The following FSTL5 variants were observed in gnomAD, a reference collection of about 807,000 sequenced individuals.
FSTL5 encodes the protein follistatin like 5.
A neutral mutation model predicts 89.1 loss-of-function variants in FSTL5; 62 were observed. That is an observed-to-expected ratio of 0.70 (90% CI 0.57 to 0.86). The LOEUF is 0.86. Ranked by LOEUF, FSTL5 falls within the 40% of genes least tolerant of loss-of-function variation. The probability of loss-of-function intolerance (pLI) is 0.00; values close to 1 mark genes in which losing one functional copy is unlikely to be tolerated. For missense variants in FSTL5, 1,057 were observed against 1,001.6 expected (o/e 1.06, Z -0.75); for synonymous variants, 383 against 346.2 (o/e 1.11, Z -1.18).
intron 1 of FSTL5, among the ~76,000 whole-genome samples, chr4:162,133,941 A>G (rs557239942): frequency 2.0e-5 from 3 of 152,310 alleles, no homozygotes; most frequent in South Asian, 4.1e-4. Flanking sequence ...CTCGACAGCT[A>G]GAGTCATGAT....
intron 6 of FSTL5, among the ~76,000 whole-genome samples, chr4:161,689,642 A>C (rs1472752678): frequency 1.3e-5 from 2 of 152,102 alleles, no homozygotes; most frequent in African/African-American, 4.8e-5. Flanking sequence ...ACATTTTTTT[A>C]CTGAGATTAA....
intron 10 of FSTL5, among the ~76,000 whole-genome samples, chr4:161,521,492 T>C (rs910291310): frequency 2.0e-5 from 3 of 152,096 alleles, no homozygotes; most frequent in Admixed American, 2.0e-4. Context: ...ACAATTTTTC[T>C]CCTTAGTTTA....
At chr4:162,101,336 G>C (rs1016178996) in intron 2 of FSTL5, among the ~76,000 whole-genome samples, 8 of 152,154 alleles carry the variant, frequency 5.3e-5, no homozygotes, top group Admixed American at 1.3e-4. Flanking sequence ...GATTTGAACT[G>C]TTTTATTCAG....
chr4:161,398,365 A>T (rs1731073019), intron 15 of FSTL5, among the ~76,000 whole-genome samples: 2 of 152,072 alleles, frequency 1.3e-5, no homozygotes, highest in Admixed American at 6.5e-5. Flanking sequence ...ATGTCTCCAA[A>T]ATTATTCATT....
intron 7 of FSTL5, among the ~76,000 whole-genome samples, chr4:161,631,961 G>A (rs1373804406): frequency 6.6e-6 from 1 of 152,112 alleles, no homozygotes; most frequent in African/African-American, 2.4e-5. Flanking sequence ...CTTCAATTTA[G>A]AAGTACACTG....
At chr4:162,016,653 G>T (rs2111145234) in intron 3 of FSTL5, among the ~76,000 whole-genome samples, 1 of 152,200 alleles carries the variant, frequency 6.6e-6, no homozygotes, top group Non-Finnish European at 1.5e-5. Context: ...GGCTTCCCCA[G>T]GCTTCAAATA....
intron 2 of FSTL5, among the ~76,000 whole-genome samples, chr4:162,097,128 G>T (rs1426980096): frequency 6.6e-6 from 1 of 151,606 alleles, no homozygotes; most frequent in African/African-American, 2.4e-5. Context: ...GTCATTTCTA[G>T]TTTGTGTATA....
intron 4 of FSTL5, among the ~76,000 whole-genome samples, chr4:161,822,707 G>T (rs1228438721): frequency 6.6e-6 from 1 of 152,174 alleles, no homozygotes; most frequent in Non-Finnish European, 1.5e-5. Context: ...GTGAGCGGGG[G>T]GGCATGTTTC....
chr4:161,521,780 C>T (rs776021473), intron 10 of FSTL5, among the ~76,000 whole-genome samples: 10 of 128,348 alleles, frequency 7.8e-5, no homozygotes, highest in Non-Finnish European at 3.1e-5. Flanking sequence ...ACCCGGAAGG[C>T]GGAGGTTGCA....
chr4:161,397,954 G>A (rs1731062052), intron 15 of FSTL5, among the ~76,000 whole-genome samples: 1 of 151,890 alleles, frequency 6.6e-6, no homozygotes, highest in Admixed American at 6.6e-5. Flanking sequence ...TCCCTAAAAA[G>A]TTATATGTAT....
intron 4 of FSTL5, among the ~76,000 whole-genome samples, chr4:161,787,525 T>C (rs1741948221): frequency 2.0e-5 from 3 of 152,136 alleles, no homozygotes; most frequent in African/African-American, 4.8e-5. Context: ...GAAATGAAGA[T>C]GGTTTAGTCA....
intron 6 of FSTL5, among the ~76,000 whole-genome samples, chr4:161,679,230 T>C (rs749852230): frequency 5.2e-4 from 79 of 151,664 alleles, no homozygotes; most frequent in Non-Finnish European, 1.0e-4. Flanking sequence ...TGGAAATTAA[T>C]ATATAGGAAT....
intron 7 of FSTL5, among the ~76,000 whole-genome samples, chr4:161,624,160 T>C (rs1217490044): frequency 6.6e-6 from 1 of 152,050 alleles, no homozygotes; most frequent in Non-Finnish European, 1.5e-5. Flanking sequence ...ACTTTATTCA[T>C]AGTCTGAATT....
intron 10 of FSTL5, among the ~76,000 whole-genome samples, chr4:161,531,393 C>G (rs958344287): frequency 4.6e-5 from 7 of 152,116 alleles, no homozygotes; most frequent in Non-Finnish European, 1.0e-4. Context: ...GATGATTACT[C>G]CGAAGCTGTA....
intron 6 of FSTL5, among the ~76,000 whole-genome samples, chr4:161,759,202 T>C (rs974882606): frequency 2.0e-5 from 3 of 152,192 alleles, no homozygotes; most frequent in Admixed American, 1.3e-4. Context: ...ATATTCGTGG[T>C]TATCAAATAT....
rs562632285 is a variant in FSTL5, at chr4:161,641,770, A to G, written c.894+14558T>C. Among the ~76,000 whole-genome samples, 225 of 152,184 alleles carry G rather than the reference A, an allele frequency of 1.5e-3. 1 individual carries two copies. The highest frequency in any genetic ancestry group is 3.9e-3 in the African/African-American group (164 of 41,520). On this transcript the variant is annotated intron_variant, in intron 7 of 15. Transcript: ENST00000306100. ...CTCCCAAAATGCTGGGATTACAGGCATGAGCCACCGCACCTGGCCCAAATT... is the reference window on the plus strand; with the variant it reads ...CTCCCAAAATGCTGGGATTACAGGCGTGAGCCACCGCACCTGGCCCAAATT...
chr4:161,451,804 A>C (rs1017461218), intron 15 of FSTL5, among the ~76,000 whole-genome samples: 9 of 152,214 alleles, frequency 5.9e-5, no homozygotes, highest in Non-Finnish European at 1.0e-4. Flanking sequence ...AGTACCAGCT[A>C]GTCTGGTTTA....
chr4:161,628,143 T>C (rs1041054725), intron 7 of FSTL5, among the ~76,000 whole-genome samples: 1 of 152,162 alleles, frequency 6.6e-6, no homozygotes, highest in Admixed American at 6.6e-5. Flanking sequence ...ATACAATATT[T>C]GTATGATAAT....
intron 6 of FSTL5, among the ~76,000 whole-genome samples, chr4:161,708,936 T>C (rs1237685419): frequency 1.3e-5 from 2 of 152,278 alleles, no homozygotes; most frequent in African/African-American, 4.8e-5. Context: ...ATGTCACTAA[T>C]TTGATACTTT....
Sources: gnomAD v4.1 joint callset for allele counts (sites outside exome capture counted in the v4.1 genomes callset) on GRCh38, gnomAD v4.1.1 for gene constraint, MANE v1.5 for transcripts, NCBI Gene and HGNC (gene_info 2026-07-23, HGNC 2026-07-21) for gene names.